ANO10: variants seen among roughly 807,000 people sequenced by gnomAD.
ANO10 encodes anoctamin 10, also known as anoctamin-10.
Under a neutral mutation model 74.7 loss-of-function variants are expected in ANO10, and 77 were observed. The ratio of observed to expected loss-of-function variants is 1.03; its 90% CI spans 0.86 to 1.25. The LOEUF (loss-of-function observed/expected upper bound fraction) is 1.25. ANO10 is among the 50% of genes most tolerant of loss of function. The pLI is 0.00. For missense variants in ANO10, 721 were observed against 778.1 expected (o/e 0.93, Z 0.87); for synonymous variants, 279 against 284.9 (o/e 0.98, Z 0.21).
intron 11 of ANO10, among the ~76,000 whole-genome samples, chr3:43,478,457 G>A (rs918437086): frequency 4.6e-5 from 7 of 152,154 alleles, no homozygotes; most frequent in African/African-American, 1.7e-4. Flanking sequence ...CCTAGCTAGT[G>A]AGATCTGAAG....
chr3:43,455,536 G>T (rs573112661), intron 11 of ANO10, among the ~76,000 whole-genome samples: 33 of 152,190 alleles, frequency 2.2e-4, no homozygotes, highest in African/African-American at 7.7e-4. Flanking sequence ...AATGACCTGG[G>T]GTAAGCCAGG....
chr3:43,686,757 T>A (rs1027736588), intron 1 of ANO10, among the ~76,000 whole-genome samples: 1 of 152,208 alleles, frequency 6.6e-6, no homozygotes, highest in Non-Finnish European at 1.5e-5. Flanking sequence ...GGCTACTGTA[T>A]CAGAGAGTGT....
At chr3:43,390,556 C>T (rs969528009) in intron 12 of ANO10, among the ~76,000 whole-genome samples, 3 of 152,234 alleles carry the variant, frequency 2.0e-5, no homozygotes, top group African/African-American at 7.2e-5. Flanking sequence ...ACAGGTGCTC[C>T]ATTCTGTGGT....
At chr3:43,467,268 CAT>C (rs1245381907) in intron 11 of ANO10, among the ~76,000 whole-genome samples, 1 of 152,150 alleles carries the variant, frequency 6.6e-6, no homozygotes, top group African/African-American at 2.4e-5. Flanking sequence ...GAAATAAAGA[CAT>C]ATGCACATGA....
intron 1 of ANO10, among the ~76,000 whole-genome samples, chr3:43,616,110 G>C (rs958913309): frequency 6.6e-6 from 1 of 152,124 alleles, no homozygotes; most frequent in African/African-American, 2.4e-5. Flanking sequence ...AAAAGGATCC[G>C]TACATAAGCA....
intron 4 of ANO10, among the ~76,000 whole-genome samples, chr3:43,594,778 G>A (rs1461993357): frequency 6.6e-6 from 1 of 152,162 alleles, no homozygotes; most frequent in African/African-American, 2.4e-5. Context: ...AGAACTGAAG[G>A]AGATAGAGAC....
At chr3:43,602,524 T>A (rs1206139863) in intron 2 of ANO10, among the ~76,000 whole-genome samples, 1 of 152,098 alleles carries the variant, frequency 6.6e-6, no homozygotes, top group Non-Finnish European at 1.5e-5. Flanking sequence ...TTAGTAGAGA[T>A]GGGGTTTCAC....
intron 12 of ANO10, among the ~76,000 whole-genome samples, chr3:43,379,678 C>T (rs922679439): frequency 3.3e-5 from 5 of 152,096 alleles, no homozygotes; most frequent in African/African-American, 9.7e-5. Context: ...GGGAGACTGG[C>T]CTTTTGGGCT....
intron 12 of ANO10, among the ~76,000 whole-genome samples, chr3:43,367,695 T>C (rs2125663964): frequency 6.6e-6 from 1 of 152,276 alleles, no homozygotes. Context: ...ACAGTTCTGC[T>C]GCTCCTACCT....
chr3:43,417,953 G>A (rs1208532364), intron 12 of ANO10, among the ~76,000 whole-genome samples: 4 of 152,134 alleles, frequency 2.6e-5, no homozygotes, highest in Non-Finnish European at 4.4e-5. Flanking sequence ...AATTGTCTTG[G>A]ATGTTAAACT....
At chr3:43,606,710 T>C (rs934721251) in intron 1 of ANO10, among the ~76,000 whole-genome samples, 11 of 151,862 alleles carry the variant, frequency 7.2e-5, no homozygotes, top group Admixed American at 5.2e-4. Context: ...GGTGTAATTA[T>C]ATGGAACTCT....
At chr3:43,448,336 TC>T (rs146798531) in intron 11 of ANO10, among the ~76,000 whole-genome samples, 21,022 of 152,128 alleles carry the variant, frequency 0.14, 1,789 homozygotes, top group African/African-American at 0.23. Context: ...ATTCCACACT[TC>T]CTCCCTTGCA....
intron 11 of ANO10, among the ~76,000 whole-genome samples, chr3:43,494,069 G>A (rs1456616237): frequency 6.6e-6 from 1 of 152,132 alleles, no homozygotes; most frequent in East Asian, 1.9e-4. Flanking sequence ...AAATAATAAG[G>A]CTATCACTAT....
intron 12 of ANO10, among the ~76,000 whole-genome samples, chr3:43,386,727 T>C (rs1028293421): frequency 1.3e-5 from 2 of 149,710 alleles, no homozygotes; most frequent in African/African-American, 4.9e-5. Context: ...GCAGGGAGAA[T>C]GAGCAGGGGT....
At chr3:43,381,452 A>C (rs896558462) in intron 12 of ANO10, among the ~76,000 whole-genome samples, 3 of 152,226 alleles carry the variant, frequency 2.0e-5, no homozygotes, top group Non-Finnish European at 2.9e-5. Flanking sequence ...TTAAAACAAC[A>C]ACAGTTAAAA....
At chr3:43,420,373 G>A (rs562070105) in intron 12 of ANO10, among the ~76,000 whole-genome samples, 83 of 152,216 alleles carry the variant, frequency 5.5e-4, no homozygotes, top group Admixed American at 5.2e-3. Flanking sequence ...TTGAGCCCAG[G>A]AGGTGCAGGT....
chr3:43,421,574 C>T (rs901087009), intron 12 of ANO10, among the ~76,000 whole-genome samples: 62 of 152,074 alleles, frequency 4.1e-4, no homozygotes, highest in African/African-American at 1.3e-3. Flanking sequence ...CCTGTAATCC[C>T]AGCACTTTAG....
intron 5 of ANO10, among the ~76,000 whole-genome samples, chr3:43,580,040 A>G (rs2081193161): frequency 6.6e-6 from 1 of 151,722 alleles, no homozygotes; most frequent in African/African-American, 2.4e-5. Flanking sequence ...AGCTACTCAG[A>G]AGGCTGAGAT....
At position 43,655,174 on chromosome 3, in the gene ANO10, C is replaced by A. The variant is rs558493640; in HGVS notation, c.-12+36343G>T. ...AAAAGCAAGGGCCTTTCACTCTTTA[C>A]AGGTAATAGCCAAAGTGTGTCCGGA... is the stretch of plus-strand genomic sequence containing the variant. On this transcript the variant is annotated intron_variant, in intron 1 of 3. Coordinates refer to the ANO10 transcript ENST00000413397. Among the ~76,000 whole-genome samples the A allele has an allele frequency of 7.9e-5, 12 of 152,266 alleles. No homozygotes were observed. The South Asian group carries it at 2.1e-3, about 26-fold the overall frequency.
Sources: gnomAD v4.1 joint callset for allele counts (sites outside exome capture counted in the v4.1 genomes callset) on GRCh38, gnomAD v4.1.1 for gene constraint, MANE v1.5 for transcripts, NCBI Gene and HGNC (gene_info 2026-07-23, HGNC 2026-07-21) for gene names.